GOLM2: variants seen among roughly 807,000 people sequenced by gnomAD.
GOLM2 encodes the protein golgi membrane protein 2.
GOLM2 carries 26 observed loss-of-function variants against 55.9 expected under a neutral mutation model. That is an observed-to-expected ratio of 0.47 (90% confidence interval 0.34 to 0.65). The LOEUF (loss-of-function observed/expected upper bound fraction) is 0.65. Ranked by LOEUF, GOLM2 falls within the 30% of genes least tolerant of loss-of-function variation. The pLI, the probability that GOLM2 is intolerant of heterozygous loss-of-function variation, is 0.01. For synonymous variants in GOLM2, 165 were observed against 194.6 expected, an observed-to-expected ratio of 0.85 and a Z score of 1.27; for missense variants, 486 against 531.8, an observed-to-expected ratio of 0.91 and a Z score of 0.85.
intron 6 of GOLM2, among the ~76,000 whole-genome samples, chr15:44,365,620 G>A (rs1022115061): frequency 1.3e-5 from 2 of 152,206 alleles, no homozygotes; most frequent in Non-Finnish European, 2.9e-5. Flanking sequence ...TAGATATTCC[G>A]GAATAGGAAA....
At chr15:44,297,689 G>T (rs1304365215) in intron 1 of GOLM2, among the ~76,000 whole-genome samples, 1 of 151,148 alleles carries the variant, frequency 6.6e-6, no homozygotes, top group African/African-American at 2.4e-5. Context: ...AGCCTCCTGA[G>T]TAGCTAGGAC....
chr15:44,395,033 G>A (rs2079515434), intron 8 of GOLM2, among the ~76,000 whole-genome samples: 1 of 149,168 alleles, frequency 6.7e-6, no homozygotes, highest in Non-Finnish European at 1.5e-5. Context: ...TTTTTGAGAC[G>A]GAGTCTCGCT....
chr15:44,370,623 T>C (rs924314522), intron 6 of GOLM2, among the ~76,000 whole-genome samples: 1 of 152,166 alleles, frequency 6.6e-6, no homozygotes, highest in Non-Finnish European at 1.5e-5. Flanking sequence ...ATACCGAAGA[T>C]GGTTGGTGCT....
At chr15:44,358,520 G>A (rs1015358166) in intron 6 of GOLM2, among the ~76,000 whole-genome samples, 3 of 152,106 alleles carry the variant, frequency 2.0e-5, no homozygotes, top group African/African-American at 7.2e-5. Flanking sequence ...CAGAGAAATA[G>A]ACCAATGAAA....
chr15:44,369,240 A>T (rs558381005), intron 6 of GOLM2, among the ~76,000 whole-genome samples: 2 of 129,384 alleles, frequency 1.5e-5, no homozygotes, highest in Non-Finnish European at 3.3e-5. Flanking sequence ...GTGTGTTTGT[A>T]TGTGTGTATA....
At chr15:44,294,897 A>G (rs1018994729) in intron 1 of GOLM2, among the ~76,000 whole-genome samples, 25 of 146,990 alleles carry the variant, frequency 1.7e-4, no homozygotes, top group African/African-American at 6.2e-4. Flanking sequence ...CTGTCTCACA[A>G]AAAAAAAAAA....
At position 44,384,746 on chromosome 15, in the gene GOLM2, CA is replaced by C. The variant is rs879330903; in HGVS notation, c.1072+3783del. ...TGGGCGACAGAGCGAGACTCCATCT[CA>C]AAAAAAAAAAAATTAGCTGGGCGTG... On this transcript the variant is annotated intron_variant, in intron 8 of 9. Transcript: ENST00000299957. 9.3e-3 allele frequency among the ~76,000 whole-genome samples: 967 copies of C among 103,604 alleles called. 11 individuals carry two copies. Among genetic ancestry groups the C allele is most frequent in the African/African-American group, 0.03 (830 of 27,260 alleles). The allele number at this position is 103,604 out of a possible 152,430, so 68.0% of individuals were successfully genotyped here.
intron 6 of GOLM2, among the ~76,000 whole-genome samples, chr15:44,372,287 T>G (rs1050043171): frequency 3.1e-4 from 47 of 152,298 alleles, no homozygotes; most frequent in African/African-American, 1.1e-3. Context: ...TGAGGACCAC[T>G]GCTTATCAGT....
At chr15:44,290,155 A>G (rs1297931666) in intron 1 of GOLM2, among the ~76,000 whole-genome samples, 1 of 152,234 alleles carries the variant, frequency 6.6e-6, no homozygotes, top group Non-Finnish European at 1.5e-5. Flanking sequence ...AAAGTTTTAA[A>G]TATAAAAAGT....
Position 44,305,782 on chromosome 15 carries a change from A to C in GOLM2, c.327+16426A>C, listed in dbSNP as rs148583193. Among the ~76,000 whole-genome samples, 209 of 152,364 alleles carry C rather than the reference A, an allele frequency of 1.4e-3. 1 individual carries two copies. Among genetic ancestry groups the C allele is most frequent in the African/African-American group, 4.7e-3 (197 of 41,580 alleles). ...GCTCCATGGGTTGCTGTTAGCAGAC[A>C]TGAAAAGATTAATGTCCTTGTAAAT... On this transcript the variant is annotated intron_variant, in intron 1 of 9. Transcript: ENST00000299957.
In GOLM2 at chr15:44,331,994, G is replaced by T. The variant is rs1174247134; in HGVS notation, c.492G>T (p.Gln164His). ...LVKRLEYESF[Q>H]CGQQMKELRA... ...GAATGACTTTGTAATTTAGTTTTCAGTGTGGACAGCAGATGAAGGAATTGA... is the reference window on the plus strand; with the variant it reads ...GAATGACTTTGTAATTTAGTTTTCATTGTGGACAGCAGATGAAGGAATTGA... Residue 164 changes from glutamine to histidine, a missense_variant, in exon 4 of 10, where the codon CAG (glutamine) becomes CAT (histidine). Physicochemically the swap from Gln to His is conservative, Grantham distance 24. Coordinates refer to ENST00000299957, the MANE Select transcript of GOLM2 (RefSeq NM_138423.4). 8.7e-6 allele frequency: 14 copies of T among 1,601,522 alleles called. No individual in the cohort carries two copies. The highest frequency in any genetic ancestry group is 6.8e-6 in the Non-Finnish European group (8 of 1,171,284).
chr15:44,381,516 G>T (rs1197740299), intron 8 of GOLM2, among the ~76,000 whole-genome samples: 7 of 152,152 alleles, frequency 4.6e-5, no homozygotes, highest in African/African-American at 1.4e-4. Flanking sequence ...CCTTAGATCA[G>T]CTTCCTTAAA....
At chr15:44,330,283 C>T (rs1350398622) in intron 3 of GOLM2, among the ~76,000 whole-genome samples, 5 of 145,424 alleles carry the variant, frequency 3.4e-5, no homozygotes, top group African/African-American at 1.0e-4. Flanking sequence ...GAGGCTGAGG[C>T]GGGTGGATCA....
chr15:44,398,192 G>A (rs2079540141), intron 8 of GOLM2, among the ~76,000 whole-genome samples: 2 of 152,218 alleles, frequency 1.3e-5, no homozygotes, highest in Non-Finnish European at 2.9e-5. Flanking sequence ...TCCATGTTCA[G>A]ATGTTACTTT....
intron 6 of GOLM2, among the ~76,000 whole-genome samples, chr15:44,372,489 A>G (rs752597265): frequency 2.0e-5 from 3 of 152,208 alleles, no homozygotes; most frequent in Non-Finnish European, 4.4e-5. Context: ...GAAGTAGAGG[A>G]CGATTAATCC....
chr15:44,336,742 C>G (rs2079059544), intron 4 of GOLM2, among the ~76,000 whole-genome samples: 1 of 151,768 alleles, frequency 6.6e-6, no homozygotes, highest in Non-Finnish European at 1.5e-5. Context: ...CAGTGAAACC[C>G]CGTCTCTACT....
In GOLM2 at chr15:44,380,709, T is replaced by C. The variant is rs370755991; in HGVS notation, c.902-97T>C. ...TTTGTGGCTACCCAATGTTAAACAATAGTGTGTCTTAGCTTTCTAAAGCAG... is the reference window on the plus strand; with the variant it reads ...TTTGTGGCTACCCAATGTTAAACAACAGTGTGTCTTAGCTTTCTAAAGCAG... On this transcript the variant is annotated intron_variant, in intron 7 of 9. Transcript: ENST00000299957. The C allele has an allele frequency of 1.4e-4, 92 of 664,952 alleles. No individual in the cohort carries two copies. The East Asian group carries it at 3.5e-3, about 25-fold the overall frequency. The allele number at this position is 664,952 out of a possible 1,614,324, so 41.2% of individuals were successfully genotyped here.
chr15:44,322,950 T>C lies in GOLM2; in HGVS notation c.328-15T>C. Reference sequence around the variant, plus strand: ...ACATATTTTTTAGTAAAATGAGAACTTAATTTTTTTTCAGGTTAAACTACA... The same window carrying C: ...ACATATTTTTTAGTAAAATGAGAACCTAATTTTTTTTCAGGTTAAACTACA... On this transcript the variant is annotated splice_polypyrimidine_tract_variant and intron_variant, in intron 1 of 9. Transcript: ENST00000299957. The C allele has an allele frequency of 6.5e-7, 1 of 1,544,554 alleles. No individual in the cohort carries two copies. The highest frequency in any genetic ancestry group is 2.1e-5 in the Admixed American group (1 of 48,120).
intron 6 of GOLM2, among the ~76,000 whole-genome samples, chr15:44,378,874 T>C (rs901173105): frequency 2.6e-5 from 4 of 151,284 alleles, no homozygotes; most frequent in Admixed American, 1.3e-4. Flanking sequence ...GCCTCCTAAG[T>C]AGCTGGGATT....
Sources: gnomAD v4.1 joint callset for allele counts (sites outside exome capture counted in the v4.1 genomes callset) on GRCh38, gnomAD v4.1.1 for gene constraint, MANE v1.5 for transcripts, NCBI Gene and HGNC (gene_info 2026-07-23, HGNC 2026-07-21) for gene names.